SLC14A2: variants seen among roughly 807,000 people sequenced by gnomAD.
The protein encoded by SLC14A2 is solute carrier family 14 member 2, also known as urea transporter 2.
A neutral mutation model predicts 104.6 loss-of-function variants in SLC14A2; 91 were observed. The ratio of observed to expected loss-of-function variants is 0.87; its 90% CI spans 0.73 to 1.04. The LOEUF (loss-of-function observed/expected upper bound fraction) is 1.04, where lower values mean the gene tolerates loss of function less well. SLC14A2 is among the 50% of genes least tolerant of loss of function. SLC14A2 has a pLI of 0.00. For synonymous variants in SLC14A2, 476 were observed against 466.4 expected (o/e 1.02, Z -0.27); for missense variants, 1,189 against 1,156.0 (o/e 1.03, Z -0.41).
chr18:45,228,460 G>A (rs73423890), intron 1 of SLC14A2, among the ~76,000 whole-genome samples: 2,275 of 152,202 alleles, frequency 0.015, 52 homozygotes, highest in African/African-American at 0.052. Context: ...TGTCTCTGGG[G>A]TTCTTCCAGA....
At chr18:45,450,845 T>TGGG (rs921822491) in intron 1 of SLC14A2, among the ~76,000 whole-genome samples, 4 of 151,956 alleles carry the variant, frequency 2.6e-5, no homozygotes, top group Non-Finnish European at 4.4e-5. Context: ...AGGAGACAAA[T>TGGG]GGGGAAGGTA....
At position 45,428,488 on chromosome 18, in the gene SLC14A2, C is replaced by T. The variant is rs567523890; in HGVS notation, c.-124-54745C>T. Reference sequence around the variant, plus strand: ...GGAGGAGAGAGGGTGCTAACATGAACATAAAGCAGACAGCAGGCACCACAG... The same window carrying T: ...GGAGGAGAGAGGGTGCTAACATGAATATAAAGCAGACAGCAGGCACCACAG... On this transcript the variant is annotated intron_variant, in intron 1 of 20. Coordinates refer to the SLC14A2 transcript ENST00000586448. Among the ~76,000 whole-genome samples, 4 of 152,236 alleles carry T rather than the reference C, an allele frequency of 2.6e-5. No homozygotes were observed. In the South Asian group the frequency reaches 6.2e-4, roughly 24 times the overall value.
At chr18:45,679,065 C>T (rs769910199) in intron 19 of SLC14A2, 41 bp downstream of exon 19, 1 of 1,594,260 alleles carries the variant, frequency 6.3e-7, no homozygotes, top group Non-Finnish European at 8.6e-7. Context: ...CAACATCCTT[C>T]CTGGTGTCCT....
chr18:45,307,566 G>A (rs1381047904), intron 1 of SLC14A2, among the ~76,000 whole-genome samples: 2 of 152,102 alleles, frequency 1.3e-5, no homozygotes, highest in Admixed American at 6.5e-5. Context: ...CTGGCCCTCA[G>A]CTATGTTTTC....
intron 2 of SLC14A2, among the ~76,000 whole-genome samples, chr18:45,499,229 C>A (rs918741711): frequency 2.0e-4 from 30 of 152,296 alleles, no homozygotes; most frequent in African/African-American, 5.8e-4. Context: ...TTTATTGATA[C>A]ATATTCACAT....
At chr18:45,515,316 A>C (rs940726204) in intron 2 of SLC14A2, 1 of 152,234 alleles carries the variant, frequency 6.6e-6, no homozygotes, top group Non-Finnish European at 1.5e-5. Flanking sequence ...CAATGATTAT[A>C]GAGAGTGTAG....
intron 1 of SLC14A2, among the ~76,000 whole-genome samples, chr18:45,221,435 G>T (rs906489005): frequency 6.0e-5 from 9 of 150,594 alleles, no homozygotes; most frequent in African/African-American, 1.9e-4. Context: ...GGCCAGTGTG[G>T]CATGGGAGTG....
chr18:45,398,084 A>T (rs557275191), intron 1 of SLC14A2, among the ~76,000 whole-genome samples: 2 of 152,290 alleles, frequency 1.3e-5, no homozygotes, highest in African/African-American at 4.8e-5. Context: ...TTACAAAAAA[A>T]GTCGATATTT....
At chr18:45,609,109 A>G (rs1277982013) in intron 2 of SLC14A2, among the ~76,000 whole-genome samples, 2 of 152,322 alleles carry the variant, frequency 1.3e-5, no homozygotes, top group East Asian at 3.9e-4. Context: ...TGCCCCCTTC[A>G]GAGTAGGGAC....
At chr18:45,633,963 G>C (rs2045381833) in intron 5 of SLC14A2, among the ~76,000 whole-genome samples, 1 of 152,208 alleles carries the variant, frequency 6.6e-6, no homozygotes, top group Non-Finnish European at 1.5e-5. Flanking sequence ...GTGAAAAGGA[G>C]AACTTGCCCT....
At chr18:45,524,637 A>G (rs1316928993) in intron 2 of SLC14A2, among the ~76,000 whole-genome samples, 1 of 152,230 alleles carries the variant, frequency 6.6e-6, no homozygotes, top group Non-Finnish European at 1.5e-5. Flanking sequence ...AAACTTTGGC[A>G]TTTCATTCTT....
intron 2 of SLC14A2, among the ~76,000 whole-genome samples, chr18:45,605,456 G>A (rs370919747): frequency 6.6e-6 from 1 of 152,058 alleles, no homozygotes; most frequent in Non-Finnish European, 1.5e-5. Context: ...TTGACCTCCC[G>A]GGGGCACAAA....
At chr18:45,425,017 C>A (rs556134274) in intron 1 of SLC14A2, among the ~76,000 whole-genome samples, 38 of 152,146 alleles carry the variant, frequency 2.5e-4, no homozygotes, top group Admixed American at 1.2e-3. Context: ...CTTAGAGCAC[C>A]CATGTTTCAC....
chr18:45,239,212 C>T (rs2084286669), intron 1 of SLC14A2, among the ~76,000 whole-genome samples: 1 of 152,170 alleles, frequency 6.6e-6, no homozygotes, highest in South Asian at 2.1e-4. Flanking sequence ...TCCCAAATCC[C>T]CCCAAGTACC....
At chr18:45,471,175 G>C (rs943142886) in intron 1 of SLC14A2, among the ~76,000 whole-genome samples, 6 of 152,266 alleles carry the variant, frequency 3.9e-5, no homozygotes, top group South Asian at 2.1e-4. Flanking sequence ...ACAACAGTTT[G>C]AGTTTAACAC....
chr18:45,559,273 G>A (rs2044173001), intron 2 of SLC14A2, among the ~76,000 whole-genome samples: 1 of 152,230 alleles, frequency 6.6e-6, no homozygotes, highest in Non-Finnish European at 1.5e-5. Flanking sequence ...AGCATTTGGG[G>A]AGGTTAGAAA....
chr18:45,656,109 G>A (rs1255919006), intron 10 of SLC14A2, among the ~76,000 whole-genome samples: 2 of 152,206 alleles, frequency 1.3e-5, no homozygotes, highest in Admixed American at 1.3e-4. Flanking sequence ...CTTTTTATGT[G>A]CATTGTAACT....
intron 1 of SLC14A2, among the ~76,000 whole-genome samples, chr18:45,615,832 TGTGTGA>T (rs2045058803): frequency 2.0e-5 from 3 of 146,996 alleles, no homozygotes; most frequent in Admixed American, 6.7e-5. Flanking sequence ...TGTGTGTGTG[TGTGTGA>T]GAGAGAGAGA....
chr18:45,338,682 CAAAAAAAAAAAAAAAA>C (rs59474827), intron 1 of SLC14A2, among the ~76,000 whole-genome samples: 42 of 51,852 alleles, frequency 8.1e-4, no homozygotes, highest in Middle Eastern at 0.01. Context: ...CACTGGCTCA[CAAAAAAAAAAAAAAAA>C]AAAAAAAAAA....
Sources: gnomAD v4.1 joint callset for allele counts (sites outside exome capture counted in the v4.1 genomes callset) on GRCh38, gnomAD v4.1.1 for gene constraint, MANE v1.5 for transcripts, NCBI Gene and HGNC (gene_info 2026-07-23, HGNC 2026-07-21) for gene names.